The following ASXL2 variants were observed in gnomAD, a reference collection of about 807,000 sequenced individuals.
The protein encoded by ASXL2 is ASXL transcriptional regulator 2.
Under a neutral mutation model 122.0 loss-of-function variants are expected in ASXL2, and 23 were observed. That is an observed-to-expected ratio of 0.19 (90% CI 0.14 to 0.27). ASXL2 has a LOEUF of 0.27. Ranked by LOEUF, ASXL2 falls within the 10% of genes least tolerant of loss-of-function variation. ASXL2 has a pLI of 1.00. For synonymous variants in ASXL2, 650 were observed against 637.0 expected, an observed-to-expected ratio of 1.02 and a Z score of -0.31; for missense variants, 1,518 against 1,713.8, an observed-to-expected ratio of 0.89 and a Z score of 2.02.
chr2:25,867,266 A>C (rs1002637577), intron 1 of ASXL2, among the ~76,000 whole-genome samples: 11 of 152,084 alleles, frequency 7.2e-5, no homozygotes, highest in Admixed American at 6.6e-4. Context: ...ATTGTGCTAC[A>C]GAGTATTCCA....
chr2:25,734,810 G>A lies in ASXL2; in HGVS notation c.*7219C>T, dbSNP rs2087709214. 6.6e-6 allele frequency: 1 copy of A among 152,166 alleles called. No homozygotes were observed. Among genetic ancestry groups the A allele is most frequent in the Non-Finnish European group, 1.5e-5 (1 of 68,022 alleles). The allele number at this position is 152,166 out of a possible 1,614,324, so 9.4% of individuals were successfully genotyped here. A position where few individuals can be genotyped will look rare whatever the true frequency, so the allele number is the denominator to read the frequency against. On this transcript the variant is annotated 3_prime_UTR_variant, in exon 13 of 13. Coordinates refer to ENST00000435504, the MANE Select transcript of ASXL2 (RefSeq NM_018263.6). ...AAAACTATTCCTTATCCCACAGAATGTCTCAAATCAAACTCCAGGTTACAT... is the reference window on the plus strand; with the variant it reads ...AAAACTATTCCTTATCCCACAGAATATCTCAAATCAAACTCCAGGTTACAT...
chr2:25,768,511 C>T (rs2088391352), intron 7 of ASXL2, among the ~76,000 whole-genome samples: 1 of 152,106 alleles, frequency 6.6e-6, no homozygotes, highest in Non-Finnish European at 1.5e-5. Context: ...ACTATTTTGC[C>T]CAGGCTGGTC....
chr2:25,809,603 A>G (rs1173034754), intron 3 of ASXL2, among the ~76,000 whole-genome samples: 1 of 152,240 alleles, frequency 6.6e-6, no homozygotes, highest in Non-Finnish European at 1.5e-5. Flanking sequence ...GAGCTGTGGA[A>G]TTATTTGGAA....
At chr2:25,877,770 G>A (rs888980505) in intron 1 of ASXL2, among the ~76,000 whole-genome samples, 1 of 152,184 alleles carries the variant, frequency 6.6e-6, no homozygotes, top group African/African-American at 2.4e-5. Flanking sequence ...CTGGATGCAC[G>A]CACAAGCCTT....
chr2:25,822,471 G>A (rs2089323861), intron 3 of ASXL2: 3 of 476,176 alleles, frequency 6.3e-6, no homozygotes, highest in South Asian at 6.1e-5. Flanking sequence ...TGTTCACAAT[G>A]CAGCCTGCTT....
chr2:25,860,854 A>G (rs2089836976), intron 1 of ASXL2, among the ~76,000 whole-genome samples: 1 of 152,106 alleles, frequency 6.6e-6, no homozygotes, highest in Non-Finnish European at 1.5e-5. Flanking sequence ...CCTACAAAAA[A>G]TACAAAAATT....
chr2:25,827,062 T>A lies in ASXL2; in HGVS notation c.143+8476A>T, dbSNP rs974844989. Among the ~76,000 whole-genome samples the A allele has an allele frequency of 2.0e-5, 3 of 148,336 alleles. No individual in the cohort carries two copies. In the East Asian group the frequency reaches 6.0e-4, roughly 30 times the overall value. ...TATGTTGCCCAAGCTAGTCTCAAAC[T>A]CCTGGGCTCAAGCGATCCTCCCGCT... is the stretch of plus-strand genomic sequence containing the variant. On this transcript the variant is annotated intron_variant, in intron 3 of 12. Transcript: ENST00000435504.
intron 3 of ASXL2, chr2:25,810,296 C>T: frequency 4.7e-6 from 3 of 640,090 alleles, no homozygotes; most frequent in South Asian, 4.3e-5. Context: ...CTTCATACTT[C>T]CTATCTGCCT....
At chr2:25,860,029 A>G (rs565776375) in intron 1 of ASXL2, among the ~76,000 whole-genome samples, 1 of 152,240 alleles carries the variant, frequency 6.6e-6, no homozygotes, top group Non-Finnish European at 1.5e-5. Flanking sequence ...TAAAAATAAA[A>G]TAAAATAAAT....
In ASXL2 at chr2:25,865,667, T is replaced by C. The variant is rs1157538421; in HGVS notation, c.57+12499A>G. Among the ~76,000 whole-genome samples the C allele has an allele frequency of 1.8e-4, 26 of 143,886 alleles. No homozygotes were observed. The Admixed American group carries it at 1.9e-3, about 10-fold the overall frequency. The allele number at this position is 143,886 out of a possible 152,430, so 94.4% of individuals were successfully genotyped here. ...GCGGGCGCCTGTAGTCCCAGCTACT[T>C]AGGAGGCTGAGGCAGGAGAATGGCG... On this transcript the variant is annotated intron_variant, in intron 1 of 12. Transcript: ENST00000435504.
At position 25,743,099 on chromosome 2, in the gene ASXL2, G is replaced by A. The variant is rs754260178; in HGVS notation, c.3238C>T (p.Leu1080Phe). 1.2e-6 allele frequency: 2 copies of A among 1,614,026 alleles called. No individual in the cohort carries two copies. The highest frequency in any genetic ancestry group is 2.2e-5 in the South Asian group (2 of 91,080). ...AACTGTGAGGGCGGCACAACTGAGA[G>A]AAGATTCTGCCTCCGAACCCTCTGA... The part of the protein sequence containing the change: ...LIQRVRRQNL[L>F]SVVPPSQFNF... The change falls in exon 13 of 13, where the codon CTC becomes TTC. Residue 1080 changes from leucine (L) to phenylalanine (F), a missense_variant. Physicochemically the swap from Leu to Phe is conservative, Grantham distance 22 (BLOSUM62 0). Transcript: ENST00000435504.
chr2:25,810,955 T>G (rs2089159937), intron 3 of ASXL2, among the ~76,000 whole-genome samples: 1 of 152,052 alleles, frequency 6.6e-6, no homozygotes, highest in African/African-American at 2.4e-5. Context: ...TTCTGGGCAC[T>G]GTGGCTCATG....
At chr2:25,835,667 C>T (rs1429455045) in intron 2 of ASXL2, 127 bp from the exon 3 acceptor site, 2 of 175,848 alleles carry the variant, frequency 1.1e-5, no homozygotes, top group Non-Finnish European at 2.5e-5. Context: ...CCACAATTCC[C>T]CAAATTAGTA....
At chr2:25,762,691 A>C (rs1190921635) in intron 8 of ASXL2, among the ~76,000 whole-genome samples, 2 of 129,458 alleles carry the variant, frequency 1.5e-5, no homozygotes, top group African/African-American at 3.0e-5. Flanking sequence ...AAAAAAAAAG[A>C]ATAAGAAGGA....
chr2:25,748,503 TAA>T (rs56694749), intron 12 of ASXL2, among the ~76,000 whole-genome samples: 126 of 146,454 alleles, frequency 8.6e-4, no homozygotes, highest in Middle Eastern at 3.6e-3. Flanking sequence ...GAGACTCCGT[TAA>T]AAAAAAAAAA....
At chr2:25,787,454 A>G (rs2088766307) in intron 5 of ASXL2, among the ~76,000 whole-genome samples, 1 of 152,200 alleles carries the variant, frequency 6.6e-6, no homozygotes, top group Non-Finnish European at 1.5e-5. Context: ...TGCTTACTCT[A>G]TCATGGGTAA....
chr2:25,764,395 C>A (rs2088307196), intron 8 of ASXL2, among the ~76,000 whole-genome samples: 1 of 152,102 alleles, frequency 6.6e-6, no homozygotes, highest in African/African-American at 2.4e-5. Context: ...GTGGGCCACA[C>A]ATAAAATACA....
chr2:25,773,339 T>C (rs2088487667), intron 5 of ASXL2, among the ~76,000 whole-genome samples: 1 of 151,824 alleles, frequency 6.6e-6, no homozygotes, highest in Admixed American at 6.6e-5. Context: ...AAAATGGAGT[T>C]GAATAATTCA....
At chr2:25,854,899 C>G (rs1276628334) in intron 1 of ASXL2, among the ~76,000 whole-genome samples, 1 of 152,074 alleles carries the variant, frequency 6.6e-6, no homozygotes, top group Non-Finnish European at 1.5e-5. Context: ...CAGTGTCTGT[C>G]TTGAGGAGCT....
Sources: allele counts gnomAD v4.1 joint callset (sites outside exome capture counted in the v4.1 genomes callset), GRCh38; gene constraint gnomAD v4.1.1; transcripts MANE v1.5; gene names NCBI Gene and HGNC (gene_info 2026-07-23, HGNC 2026-07-21).